The following ROBO1 variants were observed in gnomAD, a reference collection of about 807,000 sequenced individuals.
The protein encoded by ROBO1 is roundabout guidance receptor 1.
In ROBO1, 149 loss-of-function variants were observed where a neutral mutation model predicts 195.9. The observed-to-expected ratio is 0.76, with a 90% confidence interval of 0.67 to 0.87. ROBO1 has a LOEUF of 0.87. Among genes scored for constraint, ROBO1 ranks in the 40% least tolerant of loss-of-function variants. The pLI, the probability that ROBO1 is intolerant of heterozygous loss-of-function variation, is 0.00. For missense variants in ROBO1, 1,933 were observed against 2,068.3 expected (o/e 0.93, Z 1.27); for synonymous variants, 816 against 733.2 (o/e 1.11, Z -1.82).
intron 4 of ROBO1, among the ~76,000 whole-genome samples, chr3:78,776,439 C>T (rs762056054): frequency 5.3e-5 from 8 of 151,972 alleles, no homozygotes; most frequent in Admixed American, 1.3e-4. Context: ...TTAGTAGAGA[C>T]GGGGTTTCGC....
Position 78,670,180 on chromosome 3 carries a change from C to A in ROBO1, c.1464G>T (p.Trp488Cys). 6.2e-7 allele frequency: 1 copy of A among 1,612,612 alleles called. No homozygotes were observed. The highest frequency in any genetic ancestry group is 8.5e-7 in the Non-Finnish European group (1 of 1,179,316). Reference sequence around the variant, plus strand: ...TTGAAACGAGGACTCCATCCTTTCTCCACAGAATGGTGGGCACTGGACTGC... The same window carrying A: ...TTGAAACGAGGACTCCATCCTTTCTACACAGAATGGTGGGCACTGGACTGC... ...ATGSPVPTIL[W>C]RKDGVLVSTQ... The change falls in exon 11 of 31, where the codon TGG becomes TGT. Residue 488 changes from tryptophan to cysteine, a missense_variant. Transcript: ENST00000464233.
intron 1 of ROBO1, among the ~76,000 whole-genome samples, chr3:79,763,228 C>T (rs1256908649): frequency 6.6e-6 from 1 of 151,118 alleles, no homozygotes; most frequent in Non-Finnish European, 1.5e-5. Flanking sequence ...ATCACAACAT[C>T]TGGGTGACTA....
At chr3:78,873,023 A>G (rs2035637015) in intron 4 of ROBO1, among the ~76,000 whole-genome samples, 1 of 152,198 alleles carries the variant, frequency 6.6e-6, no homozygotes, top group Non-Finnish European at 1.5e-5. Context: ...CCTGGATTAA[A>G]CAAGACTTAC....
At chr3:78,774,134 C>A in intron 4 of ROBO1, among the ~76,000 whole-genome samples, 1 of 152,080 alleles carries the variant, frequency 6.6e-6, no homozygotes, top group East Asian at 1.9e-4. Context: ...TCCTCCAAGT[C>A]CTTTTCATTT....
intron 8 of ROBO1, among the ~76,000 whole-genome samples, chr3:78,708,849 C>G (rs1438705175): frequency 6.6e-6 from 1 of 152,172 alleles, no homozygotes; most frequent in Non-Finnish European, 1.5e-5. Context: ...AACACCACTT[C>G]AGTGAATAAT....
At chr3:79,233,673 C>G (rs1288338158) in intron 2 of ROBO1, among the ~76,000 whole-genome samples, 2 of 152,060 alleles carry the variant, frequency 1.3e-5, no homozygotes, top group African/African-American at 4.8e-5. Flanking sequence ...CATCCACTCA[C>G]CCGCATTCTT....
chr3:79,031,272 A>C (rs2078291619), intron 3 of ROBO1, among the ~76,000 whole-genome samples: 1 of 152,170 alleles, frequency 6.6e-6, no homozygotes, highest in Non-Finnish European at 1.5e-5. Context: ...AATATAGTCT[A>C]TTGATATGTT....
intron 1 of ROBO1, among the ~76,000 whole-genome samples, chr3:79,711,029 G>A (rs1702254183): frequency 6.6e-6 from 1 of 152,110 alleles, no homozygotes; most frequent in Admixed American, 6.6e-5. Context: ...AATGAATACT[G>A]ATAACCTTTC....
intron 2 of ROBO1, among the ~76,000 whole-genome samples, chr3:79,143,840 C>G (rs538974714): frequency 1.3e-5 from 2 of 151,866 alleles, no homozygotes; most frequent in African/African-American, 4.8e-5. Flanking sequence ...CTTTCATGGT[C>G]CCACACACTT....
chr3:78,867,709 C>T (rs2035268583), intron 4 of ROBO1, among the ~76,000 whole-genome samples: 1 of 152,098 alleles, frequency 6.6e-6, no homozygotes, highest in Non-Finnish European at 1.5e-5. Context: ...GGAGTTGAAA[C>T]CAAATAACCC....
At chr3:79,366,620 A>G (rs2035986749) in intron 2 of ROBO1, among the ~76,000 whole-genome samples, 1 of 152,150 alleles carries the variant, frequency 6.6e-6, no homozygotes, top group East Asian at 1.9e-4. Context: ...TCCAAATAGA[A>G]TGCCCAGCAC....
At chr3:79,458,967 T>G (rs1365129681) in intron 2 of ROBO1, among the ~76,000 whole-genome samples, 1 of 152,034 alleles carries the variant, frequency 6.6e-6, no homozygotes, top group Non-Finnish European at 1.5e-5. Context: ...AACTAAAAAA[T>G]ATTTAAAAAC....
At chr3:78,825,515 A>G (rs1345641978) in intron 4 of ROBO1, among the ~76,000 whole-genome samples, 1 of 152,180 alleles carries the variant, frequency 6.6e-6, no homozygotes, top group African/African-American at 2.4e-5. Flanking sequence ...GCTCATAAAG[A>G]CAGGCCATCA....
At chr3:79,281,474 A>C (rs979012645) in intron 2 of ROBO1, among the ~76,000 whole-genome samples, 3 of 152,138 alleles carry the variant, frequency 2.0e-5, no homozygotes, top group African/African-American at 7.2e-5. Flanking sequence ...AAACACAATA[A>C]GTGAGGTGAC....
intron 4 of ROBO1, among the ~76,000 whole-genome samples, chr3:78,930,272 C>A (rs2039441119): frequency 6.6e-6 from 1 of 152,164 alleles, no homozygotes; most frequent in Admixed American, 6.5e-5. Context: ...CATGTTAGAT[C>A]ACTTCACTTC....
chr3:79,421,532 C>A (rs1040418102), intron 2 of ROBO1, among the ~76,000 whole-genome samples: 2 of 152,054 alleles, frequency 1.3e-5, no homozygotes, highest in African/African-American at 4.8e-5. Context: ...GCACCAGGTG[C>A]CAGATATGAG....
chr3:79,184,441 A>G (rs2081399817), intron 2 of ROBO1, among the ~76,000 whole-genome samples: 1 of 152,122 alleles, frequency 6.6e-6, no homozygotes, highest in African/African-American at 2.4e-5. Flanking sequence ...AAATTCTGAG[A>G]ATTTTATAGG....
intron 2 of ROBO1, among the ~76,000 whole-genome samples, chr3:79,570,057 C>T (rs1427197050): frequency 6.6e-6 from 1 of 151,974 alleles, no homozygotes; most frequent in Non-Finnish European, 1.5e-5. Flanking sequence ...GCCAAGATCG[C>T]ATGACTGCAC....
intron 4 of ROBO1, among the ~76,000 whole-genome samples, chr3:78,809,152 G>GA (rs200022484): frequency 0.032 from 4,676 of 146,006 alleles, 187 homozygotes; most frequent in African/African-American, 0.099. Flanking sequence ...AAATTTACAA[G>GA]AAAAAAAAAA....
Sources: gnomAD v4.1 joint callset for allele counts (sites outside exome capture counted in the v4.1 genomes callset) on GRCh38, gnomAD v4.1.1 for gene constraint, MANE v1.5 for transcripts, NCBI Gene and HGNC (gene_info 2026-07-23, HGNC 2026-07-21) for gene names.